ADAMTSL1: variants seen among roughly 807,000 people sequenced by gnomAD.
ADAMTSL1 encodes ADAMTS-like protein 1.
A neutral mutation model predicts 201.8 loss-of-function variants in ADAMTSL1; 126 were observed. That is an observed-to-expected ratio of 0.62 (90% CI 0.54 to 0.72). The LOEUF (loss-of-function observed/expected upper bound fraction) is 0.72. Ranked by LOEUF, ADAMTSL1 falls within the 30% of genes least tolerant of loss-of-function variation. ADAMTSL1 has a pLI of 0.00. For missense variants in ADAMTSL1, 2,679 were observed against 2,277.8 expected (o/e 1.18, Z -3.59); for synonymous variants, 1,121 against 903.4 (o/e 1.24, Z -4.32).
chr9:18,299,792 A>G (rs892552362), intron 2 of ADAMTSL1, among the ~76,000 whole-genome samples: 2 of 151,404 alleles, frequency 1.3e-5, no homozygotes, highest in Admixed American at 6.6e-5. Flanking sequence ...ACTAATAGAA[A>G]TCTGGAGTCT....
At chr9:18,333,999 G>C (rs1323144066) in intron 2 of ADAMTSL1, among the ~76,000 whole-genome samples, 2 of 152,134 alleles carry the variant, frequency 1.3e-5, no homozygotes, top group Admixed American at 6.5e-5. Context: ...AAGACACTGT[G>C]CTAAGTGGAG....
chr9:18,799,939 C>T (rs767182671), intron 20 of ADAMTSL1, among the ~76,000 whole-genome samples: 11 of 152,200 alleles, frequency 7.2e-5, no homozygotes, highest in Non-Finnish European at 1.6e-4. Context: ...ATGTAAGTCA[C>T]TTCAAATTAG....
At chr9:18,117,170 C>G (rs1426443149) in intron 1 of ADAMTSL1, among the ~76,000 whole-genome samples, 1 of 152,148 alleles carries the variant, frequency 6.6e-6, no homozygotes, top group East Asian at 1.9e-4. Flanking sequence ...GTAGTTATCT[C>G]TATATTTATT....
At chr9:18,513,096 C>T (rs1818132161) in intron 2 of ADAMTSL1, among the ~76,000 whole-genome samples, 2 of 152,158 alleles carry the variant, frequency 1.3e-5, no homozygotes. Flanking sequence ...CTAATCTCCT[C>T]TCTAATTCCC....
At chr9:18,043,817 A>C (rs1821538605) in intron 1 of ADAMTSL1, among the ~76,000 whole-genome samples, 1 of 151,878 alleles carries the variant, frequency 6.6e-6, no homozygotes, top group Non-Finnish European at 1.5e-5. Context: ...ACGTAGGTAC[A>C]ATGTATAGGG....
chr9:18,657,796 A>G (rs964034400), intron 8 of ADAMTSL1, 46 bp downstream of exon 8: 77 of 1,472,348 alleles, frequency 5.2e-5, no homozygotes, highest in Non-Finnish European at 7.1e-5. Flanking sequence ...TCTGTGAGGA[A>G]ATACTTGGGT....
chr9:18,499,564 A>AGG (rs1822723149), intron 1 of ADAMTSL1, among the ~76,000 whole-genome samples: 2 of 152,226 alleles, frequency 1.3e-5, no homozygotes, highest in Non-Finnish European at 2.9e-5. Flanking sequence ...AGACCACAGG[A>AGG]AAAATGGTTC....
chr9:18,648,517 G>A (rs570320826), intron 7 of ADAMTSL1, among the ~76,000 whole-genome samples: 24 of 151,814 alleles, frequency 1.6e-4, no homozygotes, highest in African/African-American at 2.2e-4. Flanking sequence ...ATTTTGCAGC[G>A]GCTGGTACCG....
At chr9:18,151,203 A>C (rs1207295715) in intron 1 of ADAMTSL1, among the ~76,000 whole-genome samples, 1 of 152,074 alleles carries the variant, frequency 6.6e-6, no homozygotes, top group African/African-American at 2.4e-5. Context: ...ATGCCTAAAA[A>C]CTAGACAGTC....
At chr9:18,537,702 C>T (rs571156097) in intron 3 of ADAMTSL1, among the ~76,000 whole-genome samples, 2,363 of 151,888 alleles carry the variant, frequency 0.016, 64 homozygotes, top group African/African-American at 0.055. Context: ...ATAGCAAGAC[C>T]TTGTTTCTAC....
At chr9:18,095,620 C>T (rs1012828148) in intron 1 of ADAMTSL1, among the ~76,000 whole-genome samples, 1 of 151,890 alleles carries the variant, frequency 6.6e-6, no homozygotes, top group Non-Finnish European at 1.5e-5. Context: ...GATGGGGTTT[C>T]GCCATGTTGG....
At chr9:18,839,561 G>C (rs978540297) in intron 23 of ADAMTSL1, among the ~76,000 whole-genome samples, 4 of 152,178 alleles carry the variant, frequency 2.6e-5, no homozygotes, top group Non-Finnish European at 5.9e-5. Flanking sequence ...TAATGGGATG[G>C]CTGGGTCAAA....
At chr9:18,733,492 T>C (rs113536371) in intron 15 of ADAMTSL1, among the ~76,000 whole-genome samples, 107 of 152,234 alleles carry the variant, frequency 7.0e-4, no homozygotes, top group African/African-American at 2.4e-3. Flanking sequence ...CTTAAAAAAA[T>C]AGAAAGAAAT....
At chr9:18,218,379 C>T (rs75078605) in intron 2 of ADAMTSL1, among the ~76,000 whole-genome samples, 1 of 152,122 alleles carries the variant, frequency 6.6e-6, no homozygotes, top group African/African-American at 2.4e-5. Flanking sequence ...CTAATTCTTA[C>T]TGTAATCATT....
At chr9:18,399,308 T>C (rs868623149) in intron 2 of ADAMTSL1, among the ~76,000 whole-genome samples, 65 of 111,646 alleles carry the variant, frequency 5.8e-4, no homozygotes, top group Non-Finnish European at 9.5e-4. Context: ...TATATATATA[T>C]ATATATATAT....
intron 2 of ADAMTSL1, among the ~76,000 whole-genome samples, chr9:18,508,412 T>C (rs1254843374): frequency 1.3e-5 from 2 of 152,202 alleles, no homozygotes; most frequent in Non-Finnish European, 2.9e-5. Context: ...ACATTTTGGA[T>C]GATTTCATTT....
intron 15 of ADAMTSL1, among the ~76,000 whole-genome samples, chr9:18,749,004 C>T (rs1381954848): frequency 6.6e-6 from 1 of 152,198 alleles, no homozygotes; most frequent in African/African-American, 2.4e-5. Flanking sequence ...TCGCTCCAGT[C>T]TCTGGCTCTG....
At chr9:18,657,803 G>C in intron 8 of ADAMTSL1, 53 bp downstream of exon 8, 1 of 1,442,878 alleles carries the variant, frequency 6.9e-7, no homozygotes, top group Non-Finnish European at 9.8e-7. Context: ...GGAAATACTT[G>C]GGTATTATAA....
chr9:18,698,444 C>T (rs539134825), intron 13 of ADAMTSL1, among the ~76,000 whole-genome samples: 19 of 152,110 alleles, frequency 1.2e-4, no homozygotes, highest in Non-Finnish European at 2.2e-4. Flanking sequence ...GCCACCATGC[C>T]TGGCTAATTT....
Sources: allele counts gnomAD v4.1 joint callset (sites outside exome capture counted in the v4.1 genomes callset), GRCh38; gene constraint gnomAD v4.1.1; transcripts MANE v1.5; gene names NCBI Gene and HGNC (gene_info 2026-07-23, HGNC 2026-07-21).